ZC3H7B: variants seen among roughly 807,000 people sequenced by gnomAD.
ZC3H7B encodes the protein zinc finger CCCH domain-containing protein 7B.
Under a neutral mutation model 116.0 loss-of-function variants are expected in ZC3H7B, and 35 were observed. The observed-to-expected ratio is 0.30, with a 90% CI of 0.23 to 0.40. The LOEUF (loss-of-function observed/expected upper bound fraction) is 0.40, where lower values mean the gene tolerates loss of function less well. Among genes scored for constraint, ZC3H7B ranks in the 10% least tolerant of loss-of-function variants. ZC3H7B has a pLI of 1.00. For synonymous variants in ZC3H7B, 502 were observed against 545.6 expected (o/e 0.92, Z 1.11); for missense variants, 1,011 against 1,321.5 (o/e 0.77, Z 3.64).
chr22:41,322,965 A>G (rs1002828728), intron 2 of ZC3H7B, among the ~76,000 whole-genome samples: 2 of 152,200 alleles, frequency 1.3e-5, no homozygotes, highest in South Asian at 2.1e-4. Context: ...ATGTCACCGC[A>G]GACTGGGTCC....
At chr22:41,332,307 C>G (rs746247651) in intron 7 of ZC3H7B, 80 bp downstream of exon 7, 26 of 1,571,668 alleles carry the variant, frequency 1.7e-5, no homozygotes, top group Non-Finnish European at 2.3e-5. Flanking sequence ...GTATAAATGA[C>G]CTCAGGCAGT....
chr22:41,356,311 C>T (rs752242638), intron 20 of ZC3H7B, 32 bp from the exon 21 acceptor site: 1 of 1,613,000 alleles, frequency 6.2e-7, no homozygotes, highest in Non-Finnish European at 8.5e-7. Flanking sequence ...AGAAGCCCCT[C>T]AGCAGGTGCC....
At chr22:41,332,713 T>C (rs2036398139) in intron 7 of ZC3H7B, 1 of 154,956 alleles carries the variant, frequency 6.5e-6, no homozygotes, top group South Asian at 2.0e-4. Flanking sequence ...CAGCCGAGAC[T>C]GAGGACTCTG....
intron 2 of ZC3H7B, among the ~76,000 whole-genome samples, chr22:41,324,776 C>T (rs2036296795): frequency 6.6e-6 from 1 of 152,118 alleles, no homozygotes; most frequent in African/African-American, 2.4e-5. Context: ...AGGTGGACTC[C>T]CGGTGCCTCA....
chr22:41,305,452 A>G (rs138363830), intron 1 of ZC3H7B, among the ~76,000 whole-genome samples: 5,207 of 151,554 alleles, frequency 0.034, 127 homozygotes, highest in Middle Eastern at 0.096. Context: ...GGAGGTTGCA[A>G]TGAGCCAAGA....
chr22:41,353,423 G>A (rs959665141), intron 17 of ZC3H7B, among the ~76,000 whole-genome samples: 8 of 152,216 alleles, frequency 5.3e-5, no homozygotes, highest in African/African-American at 1.2e-4. Flanking sequence ...TCCTGGGGTG[G>A]GTGTGAGGCT....
At chr22:41,345,879 G>A in intron 13 of ZC3H7B, 124 bp from the exon 14 acceptor site, 1 of 950,330 alleles carries the variant, frequency 1.1e-6, no homozygotes, top group Non-Finnish European at 1.7e-6. Flanking sequence ...TAGCTGTGTT[G>A]GGGTGGAGCG....
At position 41,355,458 on chromosome 22, in the gene ZC3H7B, T is replaced by TC; in HGVS notation, c.2035-5dup. 3 of 1,613,024 alleles carry TC rather than the reference T, an allele frequency of 1.9e-6. No individual in the cohort carries two copies. Among genetic ancestry groups the TC allele is most frequent in the Non-Finnish European group, 1.7e-6 (2 of 1,179,546 alleles). ...GCAGCTTCACCAACCCCCCTCCCCA[T>TC]CCCCCCACAGGGTGCTCCGAGGACA... On this transcript the variant is annotated splice_polypyrimidine_tract_variant and intron_variant, in intron 17 of 22. Transcript: ENST00000352645.
intron 1 of ZC3H7B, among the ~76,000 whole-genome samples, chr22:41,317,426 A>G (rs1219559560): frequency 6.6e-6 from 1 of 152,102 alleles, no homozygotes; most frequent in Non-Finnish European, 1.5e-5. Context: ...GTCTCCAAAT[A>G]TAGGGTTTAG....
Position 41,338,873 on chromosome 22 carries a change from A to G in ZC3H7B, c.626-128A>G, listed in dbSNP as rs1272339015. The stretch of plus-strand genomic sequence containing the variant: ...TGCCAGTGGGATCAGCCGATGGGGA[A>G]GGCAGGGCTCCTGGCAAGAGCTGAA... On this transcript the variant is annotated intron_variant, in intron 8 of 22. Transcript: ENST00000352645. The surrounding 1 kb of genome is among the most constrained non-coding windows in gnomAD (Gnocchi z 4.5). 8 of 1,083,544 alleles carry G rather than the reference A, an allele frequency of 7.4e-6. No individual in the cohort carries two copies. The highest frequency in any genetic ancestry group is 9.1e-6 in the Non-Finnish European group (7 of 771,476). The allele number at this position is 1,083,544 out of a possible 1,614,324, so 67.1% of individuals were successfully genotyped here. A position where few individuals can be genotyped will look rare whatever the true frequency, so the allele number is the denominator to read the frequency against.
Position 41,338,894 on chromosome 22 carries a change from C to A in ZC3H7B, c.626-107C>A. ...GGGAAGGCAGGGCTCCTGGCAAGAGCTGAAAGAAGAAGGGAAAGTGTTGGA... is the reference window on the plus strand; with the variant it reads ...GGGAAGGCAGGGCTCCTGGCAAGAGATGAAAGAAGAAGGGAAAGTGTTGGA... On this transcript the variant is annotated intron_variant, in intron 8 of 22. Coordinates refer to ENST00000352645, the MANE Select transcript of ZC3H7B (RefSeq NM_017590.6). The surrounding 1 kb of genome is among the most constrained non-coding windows in gnomAD (Gnocchi z 4.5). 8.0e-7 allele frequency: 1 copy of A among 1,252,166 alleles called. No homozygotes were observed. Among genetic ancestry groups the A allele is most frequent in the Non-Finnish European group, 1.1e-6 (1 of 923,612 alleles). 77.6% of individuals were successfully genotyped at this position (1,252,166 alleles called of 1,614,324 possible). A position where few individuals can be genotyped will look rare whatever the true frequency, so the allele number is the denominator to read the frequency against.
At chr22:41,353,066 T>G (rs1190134800) in intron 17 of ZC3H7B, among the ~76,000 whole-genome samples, 1 of 149,520 alleles carries the variant, frequency 6.7e-6, no homozygotes, top group Non-Finnish European at 1.5e-5. Context: ...GGTGACAGAG[T>G]GAGACTCCAT....
chr22:41,340,091 C>G lies in ZC3H7B; in HGVS notation c.1092C>G (p.Ser364Arg). The G allele has an allele frequency of 6.2e-7, 1 of 1,611,752 alleles. No homozygotes were observed. Among genetic ancestry groups the G allele is most frequent in the Non-Finnish European group, 8.5e-7 (1 of 1,179,664 alleles). ...YSETRLDALD[S>R]FGSTRGSLDK... ...AGACCCGGCTGGATGCACTCGACAG[C>G]TTTGGGTCGACACGAGGCTCCCTGG... The change falls in exon 10 of 23, where the codon AGC (serine) becomes AGG (arginine). Residue 364 changes from serine to arginine, a missense_variant. This residue lies in a region of ZC3H7B where 99 missense variants were observed against 89.5 expected (regional missense o/e 1.11). Transcript: ENST00000352645.
intron 11 of ZC3H7B, among the ~76,000 whole-genome samples, chr22:41,341,520 G>C: frequency 6.6e-6 from 1 of 152,050 alleles, no homozygotes; most frequent in East Asian, 1.9e-4. Context: ...GAGTTGGGCG[G>C]ATCACAAGGT....
Position 41,342,596 on chromosome 22 carries a change from A to T in ZC3H7B, c.1265A>T (p.Lys422Met), listed in dbSNP as rs1463093643. The change falls in exon 12 of 23, where the codon AAG becomes ATG. Residue 422 changes from lysine (K) to methionine (M), a missense_variant. Lys to Met is a moderately conservative substitution (Grantham distance 95, BLOSUM62 -1). Coordinates refer to ENST00000352645, the MANE Select transcript of ZC3H7B (RefSeq NM_017590.6). ...CCCTTGGCTGCCACCCACGAGTTCA[A>T]GCAGGCCTGCCAGCTCTGCTACCCC... is the stretch of plus-strand genomic sequence containing the variant. ...KNPLAATHEFKQACQLCYPKT... is the reference protein window; with the variant it reads ...KNPLAATHEFMQACQLCYPKT... The T allele has an allele frequency of 6.8e-6, 11 of 1,613,228 alleles. No homozygotes were observed. Among genetic ancestry groups the T allele is most frequent in the Non-Finnish European group, 9.3e-6 (11 of 1,179,886 alleles).
chr22:41,336,097 C>G (rs574403528), intron 7 of ZC3H7B: 1 of 152,626 alleles, frequency 6.6e-6, no homozygotes, highest in African/African-American at 2.4e-5. Context: ...AGGACTTGAG[C>G]TGGACTGTGA....
rs1394513102 is a variant in ZC3H7B at position 41,302,639 on chromosome 22, C to CCCTCCTTTCT, written c.-7+872_-7+881dup. On this transcript the variant is annotated intron_variant, in intron 1 of 22. Coordinates refer to ENST00000352645, the MANE Select transcript of ZC3H7B (RefSeq NM_017590.6). This position sits in a 1 kb window ranked among gnomAD's most constrained non-coding sequence, Gnocchi z 5.7. ...TCCGGGTTTGCTCCCTCCTCCTTTC[C>CCCTCCTTTCT]CCTCCTTTCTCCTCAACTCTGTCTG... Among the ~76,000 whole-genome samples, 1 of 152,216 alleles carries CCCTCCTTTCT rather than the reference C, an allele frequency of 6.6e-6. No homozygotes were observed. Among genetic ancestry groups the CCCTCCTTTCT allele is most frequent in the Non-Finnish European group, 1.5e-5 (1 of 68,024 alleles).
intron 1 of ZC3H7B, among the ~76,000 whole-genome samples, chr22:41,307,822 G>C (rs1168487254): frequency 1.3e-5 from 2 of 152,168 alleles, no homozygotes. Flanking sequence ...ACACAGCTGA[G>C]GTAGAGAAGG....
In ZC3H7B at chr22:41,356,420, A is replaced by T. The variant is rs2036717897; in HGVS notation, c.2461A>T (p.Ser821Cys). Residue 821 changes from serine (S) to cysteine (C), a missense_variant, in exon 21 of 23, where the codon AGT (serine) becomes TGT (cysteine). By Grantham distance (112) the Ser-to-Cys change is moderately radical. This residue lies in a region of ZC3H7B where 406 missense variants were observed against 590.2 expected (regional missense o/e 0.69). Transcript: ENST00000352645. ...AAAGCCTGGAGAAGGGACCCCCATC[A>T]GTTCTCGGGAAGGGGAGAAGCAGAT... Reference protein sequence around the residue: ...PGKPGEGTPISSREGEKQIQM... With the variant: ...PGKPGEGTPICSREGEKQIQM... The T allele has an allele frequency of 1.2e-6, 2 of 1,614,060 alleles. No individual in the cohort carries two copies.
Sources: gnomAD v4.1 joint callset for allele counts (sites outside exome capture counted in the v4.1 genomes callset) on GRCh38, gnomAD v4.1.1 for gene constraint, gnomAD v4.1.1 regional missense constraint, Gnocchi (gnomAD v3.1) non-coding constraint, MANE v1.5 for transcripts, NCBI Gene and HGNC (gene_info 2026-07-23, HGNC 2026-07-21) for gene names.